MDGA2: variants seen among roughly 807,000 people sequenced by gnomAD.
MDGA2 encodes the protein MAM domain-containing glycosylphosphatidylinositol anchor protein 2.
A neutral mutation model predicts 117.8 loss-of-function variants in MDGA2; 40 were observed. The observed-to-expected ratio is 0.34, with a 90% CI of 0.26 to 0.44. The LOEUF is 0.44. MDGA2 is among the 20% of genes least tolerant of loss of function. The pLI, the probability that MDGA2 is intolerant of heterozygous loss-of-function variation, is 1.00. For synonymous variants in MDGA2, 452 were observed against 439.0 expected (o/e 1.03, Z -0.37); for missense variants, 1,123 against 1,250.6 (o/e 0.90, Z 1.54).
intron 10 of MDGA2, among the ~76,000 whole-genome samples, chr14:46,900,421 A>G (rs1883240075): frequency 6.6e-6 from 1 of 152,172 alleles, no homozygotes; most frequent in Admixed American, 6.5e-5. Context: ...TGCTTATAGT[A>G]CCTTTACTGC....
At chr14:46,932,285 A>G (rs1251250510) in intron 9 of MDGA2, among the ~76,000 whole-genome samples, 1 of 152,042 alleles carries the variant, frequency 6.6e-6, no homozygotes, top group Non-Finnish European at 1.5e-5. Context: ...TTAGACTTGT[A>G]TGAAAACTTG....
Position 47,504,674 on chromosome 14 carries a change from A to AAT in MDGA2, c.280+169842_280+169843insAT, listed in dbSNP as rs1566488933. Among the ~76,000 whole-genome samples the AAT allele has an allele frequency of 2.8e-3, 419 of 152,174 alleles. 2 individuals carry two copies. The highest frequency in any genetic ancestry group is 0.01 in the Middle Eastern group (3 of 294). ...TCCTTCCATTTAGAAGGGCTATCATAAAAAAAAGAAAAAAAATGCAGGCGA... is the reference window on the plus strand; with the variant it reads ...TCCTTCCATTTAGAAGGGCTATCATAATAAAAAAAGAAAAAAAATGCAGGCGA... On this transcript the variant is annotated intron_variant, in intron 1 of 16. Transcript: ENST00000399232.
Position 46,943,502 on chromosome 14 carries a change from A to C in MDGA2, c.2089+13872T>G, listed in dbSNP as rs571154833. On this transcript the variant is annotated intron_variant, in intron 9 of 16. Transcript: ENST00000399232. ...TGGTGTATTTTGACTAAATTCAAAA[A>C]ACTTTTGAAGGATTTTTATATGGCT... 3.9e-5 allele frequency among the ~76,000 whole-genome samples: 6 copies of C among 152,168 alleles called. No individual in the cohort carries two copies. The South Asian group carries it at 1.2e-3, about 32-fold the overall frequency.
chr14:46,953,523 A>ATCTAAAACC (rs1188166498), intron 9 of MDGA2, among the ~76,000 whole-genome samples: 3 of 151,900 alleles, frequency 2.0e-5, no homozygotes, highest in African/African-American at 7.2e-5. Context: ...ATTTTCTTTG[A>ATCTAAAACC]TCTAAAACCA....
chr14:47,044,705 G>A (rs1386047249), intron 7 of MDGA2, among the ~76,000 whole-genome samples: 5 of 152,082 alleles, frequency 3.3e-5, no homozygotes, highest in South Asian at 2.1e-4. Context: ...AACTAAACAG[G>A]ATTGACAATG....
At chr14:46,960,619 T>A (rs76112532) in intron 8 of MDGA2, 3 of 151,844 alleles carry the variant, frequency 2.0e-5, no homozygotes, top group Non-Finnish European at 4.4e-5. Flanking sequence ...TCAAAGTATA[T>A]GTATGTCTGT....
intron 1 of MDGA2, among the ~76,000 whole-genome samples, chr14:47,526,254 T>C (rs1292394043): frequency 6.6e-6 from 1 of 152,188 alleles, no homozygotes; most frequent in East Asian, 1.9e-4. Context: ...TTTATCAGCA[T>C]GCCAGGTAAT....
intron 1 of MDGA2, among the ~76,000 whole-genome samples, chr14:47,381,848 T>C (rs776454432): frequency 1.6e-3 from 238 of 152,220 alleles, no homozygotes; most frequent in Non-Finnish European, 2.7e-3. Context: ...CTTCACATAA[T>C]TGGAAAAAAC....
chr14:47,132,678 A>G (rs1347894014), intron 4 of MDGA2, among the ~76,000 whole-genome samples: 1 of 151,956 alleles, frequency 6.6e-6, no homozygotes, highest in Non-Finnish European at 1.5e-5. Context: ...TTTGCCTTCT[A>G]AAGTCATTAA....
At chr14:47,345,364 T>C (rs1459718544) in intron 1 of MDGA2, among the ~76,000 whole-genome samples, 1 of 152,124 alleles carries the variant, frequency 6.6e-6, no homozygotes, top group African/African-American at 2.4e-5. Flanking sequence ...CAATCTGGTT[T>C]TATAAAATAA....
chr14:47,435,606 GTTTAA>G (rs1834656655), intron 1 of MDGA2, among the ~76,000 whole-genome samples: 2 of 152,060 alleles, frequency 1.3e-5, no homozygotes, highest in African/African-American at 4.8e-5. Context: ...TCATAATAAT[GTTTAA>G]TTTGTTTTCT....
chr14:47,538,040 A>T (rs1895259968), intron 1 of MDGA2, among the ~76,000 whole-genome samples: 1 of 152,178 alleles, frequency 6.6e-6, no homozygotes, highest in Admixed American at 6.5e-5. Flanking sequence ...AAGACAATAC[A>T]GATTCAGATA....
chr14:47,514,090 TGGTTTTAACAA>T (rs1894701273), intron 1 of MDGA2, among the ~76,000 whole-genome samples: 1 of 152,174 alleles, frequency 6.6e-6, no homozygotes, highest in South Asian at 2.1e-4. Flanking sequence ...CAAGGAGTTT[TGGTTTTAACAA>T]GGTGACCACC....
intron 1 of MDGA2, among the ~76,000 whole-genome samples, chr14:47,623,881 T>C (rs895153614): frequency 6.6e-6 from 1 of 152,198 alleles, no homozygotes; most frequent in East Asian, 1.9e-4. Context: ...CCCAAGTATA[T>C]ACTGAAATTA....
At chr14:47,573,353 A>G (rs1374825124) in intron 1 of MDGA2, among the ~76,000 whole-genome samples, 1 of 152,184 alleles carries the variant, frequency 6.6e-6, no homozygotes, top group Non-Finnish European at 1.5e-5. Flanking sequence ...ACTAGCTCTG[A>G]AAAAGTAGCT....
At chr14:46,984,836 C>A (rs1372940558) in intron 8 of MDGA2, among the ~76,000 whole-genome samples, 1 of 152,038 alleles carries the variant, frequency 6.6e-6, no homozygotes, top group Non-Finnish European at 1.5e-5. Flanking sequence ...ATATTTAACA[C>A]CTAGTTTTGC....
intron 8 of MDGA2, among the ~76,000 whole-genome samples, chr14:47,006,777 A>G (rs1887727309): frequency 6.6e-6 from 1 of 151,632 alleles, no homozygotes; most frequent in South Asian, 2.1e-4. Flanking sequence ...TTCCTTTAAA[A>G]GGCAAGATGC....
intron 2 of MDGA2, 96 bp downstream of exon 2, chr14:47,301,314 CA>C (rs1269806373): frequency 2.1e-5 from 27 of 1,285,054 alleles, no homozygotes; most frequent in Non-Finnish European, 2.9e-5. Flanking sequence ...CACACACACA[CA>C]CACACAGTTT....
intron 8 of MDGA2, among the ~76,000 whole-genome samples, chr14:46,985,541 C>T (rs1886829816): frequency 1.3e-5 from 2 of 151,822 alleles, no homozygotes; most frequent in African/African-American, 2.4e-5. Context: ...TTACTGCTAC[C>T]CCAAATACTG....
Sources: gnomAD v4.1 joint callset for allele counts (sites outside exome capture counted in the v4.1 genomes callset) on GRCh38, gnomAD v4.1.1 for gene constraint, MANE v1.5 for transcripts, NCBI Gene and HGNC (gene_info 2026-07-23, HGNC 2026-07-21) for gene names.